KMT2C: variants seen among roughly 807,000 people sequenced by gnomAD.
The protein encoded by KMT2C is lysine methyltransferase 2C.
KMT2C carries 88 observed loss-of-function variants against 507.9 expected under a neutral mutation model. The ratio of observed to expected loss-of-function variants is 0.17; its 90% CI spans 0.15 to 0.21. The LOEUF is 0.21. Among genes scored for constraint, KMT2C ranks in the 10% least tolerant of loss-of-function variants. The probability of loss-of-function intolerance (pLI) is 1.00; values close to 1 mark genes in which losing one functional copy is unlikely to be tolerated. For missense variants in KMT2C, 4,954 were observed against 5,957.8 expected (o/e 0.83, Z 5.55); for synonymous variants, 2,049 against 2,080.8 (o/e 0.98, Z 0.42).
intron 48 of KMT2C, 34 bp downstream of exon 48, chr7:152,153,976 C>T (rs778708886): frequency 1.2e-6 from 2 of 1,606,136 alleles, no homozygotes; most frequent in Admixed American, 1.7e-5. Context: ...TGGGGACATA[C>T]TGTTTAACAT....
chr7:152,384,384 C>G (rs1407006658), intron 1 of KMT2C, among the ~76,000 whole-genome samples: 1 of 152,200 alleles, frequency 6.6e-6, no homozygotes, highest in African/African-American at 2.4e-5. Flanking sequence ...ACTCTCACAT[C>G]TCAGAGCCTT....
In KMT2C at chr7:152,364,915, A is replaced by C. The variant is rs1284190944; in HGVS notation, c.162-6240T>G. Among the ~76,000 whole-genome samples the C allele has an allele frequency of 2.0e-5, 3 of 148,982 alleles. No homozygotes were observed. The East Asian group carries it at 6.0e-4, about 30-fold the overall frequency. ...TTATAAGCCCACAGATCCAAGCACA[A>C]CAAAATCTGAAACAGACAGACACAC... On this transcript the variant is annotated intron_variant, in intron 1 of 58. Coordinates refer to ENST00000262189, the MANE Select transcript of KMT2C (RefSeq NM_170606.3).
At chr7:152,277,449 A>C (rs1408736580) in intron 6 of KMT2C, among the ~76,000 whole-genome samples, 2 of 152,228 alleles carry the variant, frequency 1.3e-5, no homozygotes, top group East Asian at 3.8e-4. Context: ...AGGAAAAGTT[A>C]TGTAAATATC....
chr7:152,170,572 G>A (rs1264118503), intron 40 of KMT2C, among the ~76,000 whole-genome samples: 4 of 152,024 alleles, frequency 2.6e-5, no homozygotes, highest in African/African-American at 9.7e-5. Flanking sequence ...GCGTGATCTC[G>A]GCTCACTGCA....
rs1190926505 is a variant in KMT2C at position 152,174,237 on chromosome 7, C to A, written c.9268G>T (p.Asp3090Tyr). ...SEPFFPNIDF[D>Y]AITDPIMKAK... Reference sequence around the variant, plus strand: ...TTCATTATAGGATCTGTAATTGCATCAAAATCTAGAAAAGAAATATAAAGT... The same window carrying A: ...TTCATTATAGGATCTGTAATTGCATAAAAATCTAGAAAAGAAATATAAAGT... The change falls in exon 39 of 59, where the codon GAT becomes TAT. Residue 3090 changes from aspartate to tyrosine, a missense_variant. Around this residue, in one of 29 missense-constraint regions of KMT2C, gnomAD observed 1,689 missense variants for 1,654.3 expected, o/e 1.02. Coordinates refer to ENST00000262189, the MANE Select transcript of KMT2C (RefSeq NM_170606.3). The A allele has an allele frequency of 5.3e-6, 8 of 1,512,880 alleles. No homozygotes were observed. The highest frequency in any genetic ancestry group is 2.8e-5 in the African/African-American group (2 of 72,208). The allele number at this position is 1,512,880 out of a possible 1,614,324, so 93.7% of individuals were successfully genotyped here. A position where few individuals can be genotyped will look rare whatever the true frequency, so the allele number is the denominator to read the frequency against.
chr7:152,378,361 A>G (rs1434897533), intron 1 of KMT2C, among the ~76,000 whole-genome samples: 1 of 151,220 alleles, frequency 6.6e-6, no homozygotes, highest in Non-Finnish European at 1.5e-5. Context: ...CACTGCTGGG[A>G]TCAGTCAGCA....
Position 152,138,660 on chromosome 7 carries a change from A to G in KMT2C, c.14643+136T>C, listed in dbSNP as rs2090160847. Reference sequence around the variant, plus strand: ...AAGGGTGAGATACTGCAGGGTGGGAACATCTGGCCTATTATGGACAGAGTT... The same window carrying G: ...AAGGGTGAGATACTGCAGGGTGGGAGCATCTGGCCTATTATGGACAGAGTT... On this transcript the variant is annotated intron_variant, in intron 58 of 58. Transcript: ENST00000262189. This position sits in a 1 kb window ranked among gnomAD's most constrained non-coding sequence, Gnocchi z 4.2. 5 of 599,518 alleles carry G rather than the reference A, an allele frequency of 8.3e-6. 1 individual carries two copies. The Admixed American group carries it at 1.3e-4, about 16-fold the overall frequency. 37.1% of individuals were successfully genotyped at this position (599,518 alleles called of 1,614,324 possible).
chr7:152,199,512 T>C (rs546412005), intron 26 of KMT2C, 53 bp from the exon 27 acceptor site: 6 of 1,126,148 alleles, frequency 5.3e-6, no homozygotes, highest in Non-Finnish European at 6.2e-6. Flanking sequence ...AAAAAGACAA[T>C]AGATTATTCT....
At chr7:152,215,236 G>A (rs551521995) in intron 23 of KMT2C, among the ~76,000 whole-genome samples, 73 of 152,082 alleles carry the variant, frequency 4.8e-4, no homozygotes, top group African/African-American at 1.6e-3. Flanking sequence ...AAAGAAAGCC[G>A]AGCGCGGTGG....
chr7:152,255,157 A>ATATATATATGTGTGTG (rs767823858), intron 9 of KMT2C, among the ~76,000 whole-genome samples: 2 of 128,376 alleles, frequency 1.6e-5, no homozygotes, highest in African/African-American at 6.1e-5. Context: ...ATATATATAT[A>ATATATATATGTGTGTG]TGTGTGTGTG....
intron 6 of KMT2C, among the ~76,000 whole-genome samples, chr7:152,277,242 G>A (rs2096097866): frequency 6.6e-6 from 1 of 152,152 alleles, no homozygotes; most frequent in Non-Finnish European, 1.5e-5. Flanking sequence ...CTCCAAATTT[G>A]TTTTTAATCT....
chr7:152,268,848 T>C (rs1380249175), intron 7 of KMT2C, among the ~76,000 whole-genome samples: 5 of 152,208 alleles, frequency 3.3e-5, no homozygotes, highest in Non-Finnish European at 7.3e-5. Flanking sequence ...CAAGTTGCCA[T>C]GGTAGCTACT....
chr7:152,410,815 C>A (rs949217450), intron 1 of KMT2C, among the ~76,000 whole-genome samples: 14 of 151,460 alleles, frequency 9.2e-5, no homozygotes, highest in African/African-American at 3.4e-4. Context: ...TGGGCAACAT[C>A]GAGAGACGCC....
chr7:152,372,457 A>T (rs537125220), intron 1 of KMT2C, among the ~76,000 whole-genome samples: 48 of 152,240 alleles, frequency 3.2e-4, no homozygotes, highest in Middle Eastern at 3.4e-3. Context: ...CACCCAGCCA[A>T]GCGGATTTTT....
chr7:152,372,195 G>A (rs373896239), intron 1 of KMT2C, among the ~76,000 whole-genome samples: 20 of 152,098 alleles, frequency 1.3e-4, no homozygotes, highest in East Asian at 1.9e-4. Flanking sequence ...TCACTCTGTC[G>A]CCCAGACTGG....
intron 52 of KMT2C, among the ~76,000 whole-genome samples, chr7:152,147,816 G>T (rs536946749): frequency 1.8e-4 from 27 of 151,762 alleles, no homozygotes; most frequent in African/African-American, 6.3e-4. Flanking sequence ...TCACCAACTC[G>T]TATGTTCAAA....
At chr7:152,374,848 ACTCTAGC>A in intron 1 of KMT2C, among the ~76,000 whole-genome samples, 1 of 150,008 alleles carries the variant, frequency 6.7e-6, no homozygotes, top group East Asian at 2.0e-4. Context: ...GCAGCATTGT[ACTCTAGC>A]CTTAGTGACA....
chr7:152,376,235 C>T (rs1222253354), intron 1 of KMT2C, among the ~76,000 whole-genome samples: 1 of 152,188 alleles, frequency 6.6e-6, no homozygotes, highest in Non-Finnish European at 1.5e-5. Flanking sequence ...CTTTTCAGAC[C>T]TCCCGTTTCC....
intron 1 of KMT2C, among the ~76,000 whole-genome samples, chr7:152,419,823 C>G (rs972879199): frequency 1.3e-5 from 2 of 152,202 alleles, no homozygotes; most frequent in Non-Finnish European, 2.9e-5. Flanking sequence ...CCCATGTGAT[C>G]AGTAATTATC....
Sources: gnomAD v4.1 joint callset for allele counts (sites outside exome capture counted in the v4.1 genomes callset) on GRCh38, gnomAD v4.1.1 for gene constraint, gnomAD v4.1.1 regional missense constraint, Gnocchi (gnomAD v3.1) non-coding constraint, MANE v1.5 for transcripts, NCBI Gene and HGNC (gene_info 2026-07-23, HGNC 2026-07-21) for gene names.